Variants in KAZN observed in about 807,000 individuals in gnomAD.
The protein encoded by KAZN is kazrin.
A neutral mutation model predicts 87.4 loss-of-function variants in KAZN; 40 were observed. That is an observed-to-expected ratio of 0.46 (90% CI 0.36 to 0.60). The LOEUF (loss-of-function observed/expected upper bound fraction) is 0.60, where lower values mean the gene tolerates loss of function less well. KAZN is among the 20% of genes least tolerant of loss of function. The pLI, the probability that KAZN is intolerant of heterozygous loss-of-function variation, is 0.00. For missense variants in KAZN, 898 were observed against 1,073.9 expected (o/e 0.84, Z 2.29); for synonymous variants, 466 against 458.3 (o/e 1.02, Z -0.22).
At chr1:13,941,686 G>A (rs1640933496) in intron 1 of KAZN, among the ~76,000 whole-genome samples, 1 of 152,156 alleles carries the variant, frequency 6.6e-6, no homozygotes, top group African/African-American at 2.4e-5. Flanking sequence ...AGAGAAACTT[G>A]TTGCAGAAAA....
intron 8 of KAZN, among the ~76,000 whole-genome samples, chr1:15,090,084 T>A (rs942851276): frequency 1.3e-5 from 2 of 152,178 alleles, no homozygotes; most frequent in African/African-American, 4.8e-5. Context: ...CATTCAGAGT[T>A]TATAACATTC....
intron 1 of KAZN, among the ~76,000 whole-genome samples, chr1:14,614,358 T>G (rs1474783867): frequency 6.6e-6 from 1 of 152,234 alleles, no homozygotes; most frequent in Non-Finnish European, 1.5e-5. Flanking sequence ...GCAATTAAAA[T>G]CACCTGGAAG....
chr1:13,894,830 C>T (rs138002996), intron 1 of KAZN, among the ~76,000 whole-genome samples: 3,338 of 152,244 alleles, frequency 0.022, 74 homozygotes, highest in African/African-American at 0.064. Flanking sequence ...CTCAGAGGAG[C>T]ACAGCTTGGT....
chr1:13,944,025 C>T (rs1333441462), intron 1 of KAZN, among the ~76,000 whole-genome samples: 3 of 152,158 alleles, frequency 2.0e-5, no homozygotes, highest in Non-Finnish European at 4.4e-5. Flanking sequence ...CTCTGGCTAT[C>T]TACCCAAGAG....
At chr1:14,263,012 C>T (rs1033770852) in intron 2 of KAZN, among the ~76,000 whole-genome samples, 5 of 152,122 alleles carry the variant, frequency 3.3e-5, no homozygotes, top group Non-Finnish European at 5.9e-5. Context: ...GGCGTGCATG[C>T]GTGTATATCC....
intron 1 of KAZN, among the ~76,000 whole-genome samples, chr1:14,833,049 CATAA>C (rs1403061900): frequency 2.6e-5 from 4 of 151,942 alleles, no homozygotes; most frequent in African/African-American, 4.8e-5. Flanking sequence ...TTTACTTAAT[CATAA>C]ATAAAAGATA....
intron 1 of KAZN, among the ~76,000 whole-genome samples, chr1:14,811,371 A>C (rs1646404848): frequency 1.3e-5 from 2 of 152,352 alleles, no homozygotes; most frequent in East Asian, 3.9e-4. Context: ...AAATCATAAG[A>C]GGGTGGGAAT....
At chr1:14,167,672 G>A (rs528921822) in intron 1 of KAZN, among the ~76,000 whole-genome samples, 11 of 152,188 alleles carry the variant, frequency 7.2e-5, no homozygotes, top group Non-Finnish European at 1.3e-4. Context: ...GCAGCGAGCC[G>A]AGATCATGCC....
Position 14,833,086 on chromosome 1 carries a change from T to A in KAZN, c.227-127598T>A, listed in dbSNP as rs188528056. 2.0e-5 allele frequency among the ~76,000 whole-genome samples: 3 copies of A among 152,348 alleles called. No homozygotes were observed. The East Asian group carries it at 5.8e-4, about 29-fold the overall frequency. ...ATAAAATTAATATTCTATTTACTCA[T>A]CTTTATAGAAGAAGCTTGCCAACCC... On this transcript the variant is annotated intron_variant, in intron 1 of 14. Transcript: ENST00000376030.
chr1:14,114,910 A>G (rs1644581116), intron 1 of KAZN, among the ~76,000 whole-genome samples: 1 of 152,164 alleles, frequency 6.6e-6, no homozygotes, highest in Non-Finnish European at 1.5e-5. Context: ...TTTCCCAGAG[A>G]GGGTAAATTG....
chr1:14,387,617 A>T (rs562116038), intron 2 of KAZN, among the ~76,000 whole-genome samples: 1 of 152,258 alleles, frequency 6.6e-6, no homozygotes, highest in African/African-American at 2.4e-5. Context: ...CCTCCCAGTT[A>T]GGCTGCTCGG....
intron 1 of KAZN, among the ~76,000 whole-genome samples, chr1:14,072,804 G>T (rs12131514): frequency 0.15 from 23,342 of 152,144 alleles, 2,410 homozygotes; most frequent in Middle Eastern, 0.31. Context: ...ATGTGTAAGG[G>T]CGAAATGAGA....
intron 1 of KAZN, among the ~76,000 whole-genome samples, chr1:14,833,969 TCACA>T (rs56000715): frequency 0.3 from 42,975 of 141,730 alleles, 6,608 homozygotes; most frequent in Non-Finnish European, 0.37. Context: ...CCCAAGTCAT[TCACA>T]CACACACACA....
At position 15,099,352 on chromosome 1, in the gene KAZN, A is replaced by T. The variant is rs1640944778; in HGVS notation, c.1548-2191A>T. On this transcript the variant is annotated intron_variant, in intron 10 of 14. Transcript: ENST00000376030. This position sits in a 1 kb window ranked among gnomAD's most constrained non-coding sequence, Gnocchi z 5.4. ...TCTGCTAAGGTGGGGAAGAGAGAAA[A>T]TAAATTAGTGGACAAACCAGCAATT... is the stretch of plus-strand genomic sequence containing the variant. Among the ~76,000 whole-genome samples the T allele has an allele frequency of 6.6e-6, 1 of 152,196 alleles. No individual in the cohort carries two copies. Among genetic ancestry groups the T allele is most frequent in the South Asian group, 2.1e-4 (1 of 4,826 alleles).
intron 2 of KAZN, among the ~76,000 whole-genome samples, chr1:14,244,027 T>C (rs896400360): frequency 1.3e-5 from 2 of 152,236 alleles, no homozygotes; most frequent in Non-Finnish European, 2.9e-5. Context: ...ACACTCAATC[T>C]ATCTTCATAG....
At chr1:14,074,750 A>C (rs1445771731) in intron 1 of KAZN, among the ~76,000 whole-genome samples, 2 of 152,168 alleles carry the variant, frequency 1.3e-5, no homozygotes, top group African/African-American at 4.8e-5. Flanking sequence ...AATTGCATAC[A>C]TTTTTATTAG....
At chr1:14,693,356 T>C (rs1436003830) in intron 1 of KAZN, among the ~76,000 whole-genome samples, 1 of 152,172 alleles carries the variant, frequency 6.6e-6, no homozygotes, top group Non-Finnish European at 1.5e-5. Context: ...GGAACCACAG[T>C]GCTGTCATTC....
intron 1 of KAZN, among the ~76,000 whole-genome samples, chr1:14,804,683 C>T (rs143257544): frequency 5.4e-4 from 82 of 152,332 alleles, no homozygotes; most frequent in African/African-American, 1.8e-3. Flanking sequence ...TTAGGAGAGA[C>T]ACATCAGGCT....
chr1:14,211,178 C>A (rs1348780793), intron 2 of KAZN, among the ~76,000 whole-genome samples: 2 of 152,056 alleles, frequency 1.3e-5, no homozygotes, highest in African/African-American at 4.8e-5. Context: ...TCACAGTGTT[C>A]AACTATTTGT....
Sources: gnomAD v4.1 joint callset for allele counts (sites outside exome capture counted in the v4.1 genomes callset) on GRCh38, gnomAD v4.1.1 for gene constraint, Gnocchi (gnomAD v3.1) non-coding constraint, MANE v1.5 for transcripts, NCBI Gene and HGNC (gene_info 2026-07-23, HGNC 2026-07-21) for gene names.